Variants in ZNF487 observed in about 807,000 individuals in gnomAD.
ZNF487 encodes the protein KRAB domain only 1.
A neutral mutation model predicts 3.0 loss-of-function variants in ZNF487; 4 were observed. That is an observed-to-expected ratio of 1.35 (90% CI 0.66 to 3.08). The LOEUF is 3.08. Among genes scored for constraint, ZNF487 ranks in the 30% most tolerant of loss-of-function variants. ZNF487 has a pLI of 0.01. For missense variants in ZNF487, 146 were observed against 98.7 expected (o/e 1.48, Z -2.03); for synonymous variants, 55 against 34.6 (o/e 1.59, Z -2.06).
At position 43,476,177 on chromosome 10, in the gene ZNF487, A is replaced by G. The variant is rs1841094680; in HGVS notation, c.105A>G (p.Glu35=). The change falls in exon 3 of 4, where the codon GAA becomes GAG. Residue 35 remains glutamate (E), a synonymous_variant. Transcript: ENST00000437590. The stretch of plus-strand genomic sequence containing the variant: ...GACAGGTGCTGTGGATATTAGAGGA[A>G]GAGTCCCCAAGTCAGAGCCACCTAG... The part of the protein sequence containing the change: ...EHGQVLWILE[E]ESPSQSHLDC... 4 of 717,480 alleles carry G rather than the reference A, an allele frequency of 5.6e-6. No homozygotes were observed. Among genetic ancestry groups the G allele is most frequent in the Non-Finnish European group, 7.8e-6 (3 of 385,112 alleles). The allele number at this position is 717,480 out of a possible 1,614,324, so 44.4% of individuals were successfully genotyped here. A position where few individuals can be genotyped will look rare whatever the true frequency, so the allele number is the denominator to read the frequency against.
intron 1 of ZNF487, among the ~76,000 whole-genome samples, chr10:43,465,660 T>C (rs1419485047): frequency 4.5e-4 from 64 of 143,560 alleles, no homozygotes; most frequent in African/African-American, 1.7e-3. Context: ...CCTCACTTCC[T>C]AGATGGGATG....
chr10:43,448,041 G>C (rs957583349), intron 1 of ZNF487, among the ~76,000 whole-genome samples: 2 of 143,114 alleles, frequency 1.4e-5, no homozygotes, highest in Non-Finnish European at 3.0e-5. Flanking sequence ...CCAGGCTGGA[G>C]TGCAGTGGTG....
chr10:43,457,271 C>G (rs900868649), intron 1 of ZNF487, among the ~76,000 whole-genome samples: 2 of 149,792 alleles, frequency 1.3e-5, no homozygotes, highest in Non-Finnish European at 3.0e-5. Flanking sequence ...AACAACAAAA[C>G]AAAAACCCTA....
chr10:43,492,127 T>C, the ZNF487 span, among the ~76,000 whole-genome samples: 1 of 151,784 alleles, frequency 6.6e-6, no homozygotes, highest in Non-Finnish European at 1.5e-5. Context: ...AAAAAATTTC[T>C]GTGAAGATGG....
the ZNF487 span, among the ~76,000 whole-genome samples, chr10:43,504,592 G>A: frequency 6.6e-6 from 1 of 151,950 alleles, no homozygotes; most frequent in Non-Finnish European, 1.5e-5. Context: ...ACCATGCCCG[G>A]CACATGTTTT....
At chr10:43,518,893 C>T in the ZNF487 span, among the ~76,000 whole-genome samples, 1,032 of 152,282 alleles carry the variant, frequency 6.8e-3, 11 homozygotes, top group African/African-American at 0.024. Context: ...CAGTATTTTA[C>T]CTACTTACGT....
intron 1 of ZNF487, among the ~76,000 whole-genome samples, chr10:43,445,919 A>G (rs1434533348): frequency 6.6e-6 from 1 of 152,186 alleles, no homozygotes; most frequent in African/African-American, 2.4e-5. Flanking sequence ...TGTTTAACAA[A>G]GCACATCTTG....
intron 1 of ZNF487, chr10:43,452,108 CTCTTT>C (rs1451978735): frequency 2.2e-4 from 33 of 151,684 alleles, no homozygotes. Flanking sequence ...TTGGTCAATT[CTCTTT>C]TAATTTTCCA....
intron 1 of ZNF487, among the ~76,000 whole-genome samples, chr10:43,472,804 GC>G (rs768771218): frequency 5.9e-5 from 9 of 152,056 alleles, no homozygotes; most frequent in Non-Finnish European, 1.0e-4. Context: ...TTCCTAGGGA[GC>G]CTTCCAACTT....
chr10:43,496,812 C>A, the ZNF487 span, among the ~76,000 whole-genome samples: 1 of 152,044 alleles, frequency 6.6e-6, no homozygotes, highest in Admixed American at 6.6e-5. Context: ...AGAGAGAGAG[C>A]TAGAGAGCTC....
At chr10:43,473,665 C>A (rs1840986945) in intron 1 of ZNF487, among the ~76,000 whole-genome samples, 1 of 151,952 alleles carries the variant, frequency 6.6e-6, no homozygotes, top group East Asian at 1.9e-4. Flanking sequence ...ATTACAGGCC[C>A]CCTTTTTTTT....
the ZNF487 span, among the ~76,000 whole-genome samples, chr10:43,514,496 C>T: frequency 1.3e-5 from 2 of 152,134 alleles, no homozygotes; most frequent in Admixed American, 1.3e-4. Context: ...TAGAAATTTT[C>T]TGCTTATATA....
the ZNF487 span, among the ~76,000 whole-genome samples, chr10:43,510,485 A>G: frequency 6.6e-6 from 1 of 152,192 alleles, no homozygotes; most frequent in Non-Finnish European, 1.5e-5. Context: ...ATTGTGGAGT[A>G]GTAGACTGAT....
chr10:43,462,536 A>G (rs775461430), intron 1 of ZNF487, among the ~76,000 whole-genome samples: 10 of 150,240 alleles, frequency 6.7e-5, no homozygotes, highest in Admixed American at 2.0e-4. Flanking sequence ...GCTCACTGCA[A>G]CCTTGGCCTC....
chr10:43,497,745 A>T, the ZNF487 span, among the ~76,000 whole-genome samples: 127 of 152,080 alleles, frequency 8.4e-4, no homozygotes, highest in African/African-American at 2.9e-3. Flanking sequence ...AGGCGGGAAG[A>T]TCATGAGGTC....
the ZNF487 span, among the ~76,000 whole-genome samples, chr10:43,493,709 A>AT: frequency 9.2e-5 from 4 of 43,694 alleles, no homozygotes; most frequent in African/African-American, 1.7e-4. Flanking sequence ...AAAAAAAAAA[A>AT]ATATATATAT....
chr10:43,467,246 C>T (rs1840738805), intron 1 of ZNF487, among the ~76,000 whole-genome samples: 1 of 151,886 alleles, frequency 6.6e-6, no homozygotes, highest in Non-Finnish European at 1.5e-5. Context: ...GCTGTGTCGC[C>T]CAGGCTGGAG....
chr10:43,503,283 AATAG>A, the ZNF487 span, among the ~76,000 whole-genome samples: 1 of 152,302 alleles, frequency 6.6e-6, no homozygotes, highest in Admixed American at 6.5e-5. Flanking sequence ...AAAATAAACA[AATAG>A]ATATATAGAT....
At chr10:43,518,378 A>T in the ZNF487 span, among the ~76,000 whole-genome samples, 4 of 152,224 alleles carry the variant, frequency 2.6e-5, no homozygotes, top group Non-Finnish European at 5.9e-5. Flanking sequence ...CTATTGCTAC[A>T]GACATTGACT....
Sources: allele counts gnomAD v4.1 joint callset (sites outside exome capture counted in the v4.1 genomes callset), GRCh38; gene constraint gnomAD v4.1.1; transcripts MANE v1.5; gene names NCBI Gene and HGNC (gene_info 2026-07-23, HGNC 2026-07-21).